Variants in AOAH observed in about 807,000 individuals in gnomAD.
AOAH encodes acyloxyacyl hydrolase (neutrophil).
In AOAH, 64 loss-of-function variants were observed where a neutral mutation model predicts 92.2. The ratio of observed to expected loss-of-function variants is 0.69; its 90% CI spans 0.57 to 0.86. The LOEUF is 0.86. Ranked by LOEUF, AOAH falls within the 40% of genes least tolerant of loss-of-function variation. The pLI, the probability that AOAH is intolerant of heterozygous loss-of-function variation, is 0.00. For missense variants in AOAH, 656 were observed against 694.6 expected, an observed-to-expected ratio of 0.94 and a Z score of 0.62; for synonymous variants, 263 against 254.5, an observed-to-expected ratio of 1.03 and a Z score of -0.32.
rs185432528 is a variant in AOAH, at chr7:36,517,092, T to A, written c.1600-3712A>T. Among the ~76,000 whole-genome samples, 901 of 152,334 alleles carry A rather than the reference T, an allele frequency of 5.9e-3. 7 individuals are homozygous for A. The highest frequency in any genetic ancestry group is 0.02 in the African/African-American group (843 of 41,558). The stretch of plus-strand genomic sequence containing the variant: ...TTTCTCATACCGCAATTTCCTGTTT[T>A]AACTTCCACGAGGCGCTGCACAGGG... On this transcript the variant is annotated intron_variant, in intron 20 of 20. Transcript: ENST00000617537.
rs1346889414 is a variant in AOAH at position 36,556,009 on chromosome 7, T to C, written c.1022-6534A>G. Reference sequence around the variant, plus strand: ...TCAGTTCTGCTCTGATTTTAGTTATTTCTTGCCTTCTGCTAGCTTTTGAAT... The same window carrying C: ...TCAGTTCTGCTCTGATTTTAGTTATCTCTTGCCTTCTGCTAGCTTTTGAAT... On this transcript the variant is annotated intron_variant, in intron 13 of 20. Transcript: ENST00000617537. Among the ~76,000 whole-genome samples, 4 of 152,304 alleles carry C rather than the reference T, an allele frequency of 2.6e-5. No homozygotes were observed. In the East Asian group the frequency reaches 7.7e-4, roughly 29 times the overall value.
chr7:36,576,511 C>A, intron 13 of AOAH, 63 bp downstream of exon 13: 4 of 943,498 alleles, frequency 4.2e-6, no homozygotes, highest in South Asian at 1.8e-5. Flanking sequence ...TTTTGAGGTA[C>A]TTATGAAATA....
At chr7:36,633,090 A>G (rs981246927) in intron 5 of AOAH, among the ~76,000 whole-genome samples, 6 of 152,202 alleles carry the variant, frequency 3.9e-5, no homozygotes, top group African/African-American at 9.6e-5. Context: ...ACGTGTCTCT[A>G]GGAACCTGGA....
intron 9 of AOAH, among the ~76,000 whole-genome samples, chr7:36,620,476 T>C (rs1174046566): frequency 6.6e-6 from 1 of 152,196 alleles, no homozygotes; most frequent in African/African-American, 2.4e-5. Flanking sequence ...TGGGTTGCTG[T>C]AAAACTTTGT....
chr7:36,518,734 A>G (rs1783956484), intron 20 of AOAH, among the ~76,000 whole-genome samples: 1 of 152,252 alleles, frequency 6.6e-6, no homozygotes, highest in Non-Finnish European at 1.5e-5. Flanking sequence ...GCATATAAAT[A>G]CATCCAATGT....
At chr7:36,537,816 C>G (rs1312872402) in intron 16 of AOAH, among the ~76,000 whole-genome samples, 1 of 151,166 alleles carries the variant, frequency 6.6e-6, no homozygotes, top group African/African-American at 2.4e-5. Flanking sequence ...AGCCACTGCA[C>G]CCAGCCTAGT....
chr7:36,537,782 C>A (rs1268695007), intron 16 of AOAH, among the ~76,000 whole-genome samples: 1 of 151,758 alleles, frequency 6.6e-6, no homozygotes, highest in Non-Finnish European at 1.5e-5. Flanking sequence ...CTTGGCCTCC[C>A]AAAGTGCTGA....
chr7:36,572,713 G>A (rs941575389), intron 13 of AOAH, among the ~76,000 whole-genome samples: 4 of 152,172 alleles, frequency 2.6e-5, no homozygotes, highest in Admixed American at 6.5e-5. Context: ...GGTATGTACC[G>A]TTCCCATCCC....
At chr7:36,580,581 CT>C (rs1390537235) in intron 12 of AOAH, among the ~76,000 whole-genome samples, 1 of 152,194 alleles carries the variant, frequency 6.6e-6, no homozygotes. Flanking sequence ...CTCTAAGTTG[CT>C]TTTTTTCCCC....
At position 36,577,514 on chromosome 7, in the gene AOAH, A is replaced by G. The variant is rs182428164; in HGVS notation, c.939-858T>C. Among the ~76,000 whole-genome samples, 565 of 152,286 alleles carry G rather than the reference A, an allele frequency of 3.7e-3. 3 individuals are homozygous for G. The highest frequency in any genetic ancestry group is 0.013 in the African/African-American group (538 of 41,564). Reference sequence around the variant, plus strand: ...TTCTGTGTGAGAGAAATAAACTCATATATGTTGAATCTCTGTTCCTTGAAT... The same window carrying G: ...TTCTGTGTGAGAGAAATAAACTCATGTATGTTGAATCTCTGTTCCTTGAAT... On this transcript the variant is annotated intron_variant, in intron 12 of 20. Coordinates refer to ENST00000617537, the MANE Select transcript of AOAH (RefSeq NM_001637.4).
At chr7:36,688,842 T>A (rs1467235311) in intron 1 of AOAH, among the ~76,000 whole-genome samples, 1 of 152,104 alleles carries the variant, frequency 6.6e-6, no homozygotes, top group African/African-American at 2.4e-5. Flanking sequence ...TACATATATA[T>A]ATGTGTATAT....
intron 11 of AOAH, among the ~76,000 whole-genome samples, chr7:36,600,698 G>C (rs1180558066): frequency 6.6e-6 from 1 of 152,078 alleles, no homozygotes; most frequent in Non-Finnish European, 1.5e-5. Context: ...ACTTGTATCT[G>C]GTCCTTGCTT....
intron 4 of AOAH, among the ~76,000 whole-genome samples, chr7:36,642,346 A>T (rs1004260699): frequency 1.3e-5 from 2 of 152,166 alleles, no homozygotes; most frequent in African/African-American, 4.8e-5. Flanking sequence ...AGGGAAGATG[A>T]TGTGAAGATA....
rs549317369 is a variant in AOAH at position 36,678,600 on chromosome 7, T to TGTGTGTGTGCGC, written c.224-4592_224-4591insGCGCACACACAC. Among the ~76,000 whole-genome samples, 1,133 of 130,814 alleles carry TGTGTGTGTGCGC rather than the reference T, an allele frequency of 8.7e-3. 20 individuals are homozygous for TGTGTGTGTGCGC. Among genetic ancestry groups the TGTGTGTGTGCGC allele is most frequent in the Middle Eastern group, 0.013 (3 of 234 alleles). The allele number at this position is 130,814 out of a possible 152,430, so 85.8% of individuals were successfully genotyped here. A position where few individuals can be genotyped will look rare whatever the true frequency, so the allele number is the denominator to read the frequency against. On this transcript the variant is annotated intron_variant, in intron 2 of 20. Coordinates refer to ENST00000617537, the MANE Select transcript of AOAH (RefSeq NM_001637.4). ...GTGTGTGTGTGTGTGTGTGTGTGTG[T>TGTGTGTGTGCGC]GCGCGCGCGCGCGCGTTAGAATTCT...
At chr7:36,514,603 C>T (rs1185989049) in intron 20 of AOAH, 3 of 1,529,148 alleles carry the variant, frequency 2.0e-6, no homozygotes, top group Admixed American at 3.9e-5. Context: ...GCAAACAATG[C>T]CCTCATTTAG....
intron 2 of AOAH, 27 bp downstream of exon 2, chr7:36,686,672 C>A (rs914335095): frequency 1.6e-5 from 22 of 1,409,776 alleles, no homozygotes; most frequent in Non-Finnish European, 2.1e-5. Flanking sequence ...AGCAGACCCT[C>A]AGCAGTATGA....
intron 1 of AOAH, among the ~76,000 whole-genome samples, chr7:36,696,001 T>C (rs1797686466): frequency 6.6e-6 from 1 of 152,216 alleles, no homozygotes; most frequent in Non-Finnish European, 1.5e-5. Flanking sequence ...TTTTTTTACA[T>C]ATAGAATCCC....
At chr7:36,526,242 T>G (rs1190337238) in intron 19 of AOAH, among the ~76,000 whole-genome samples, 1 of 151,926 alleles carries the variant, frequency 6.6e-6, no homozygotes, top group Non-Finnish European at 1.5e-5. Flanking sequence ...ACAACCTGTT[T>G]ATTTACAGAG....
chr7:36,531,657 C>T (rs1278553104), intron 18 of AOAH, among the ~76,000 whole-genome samples: 1 of 152,132 alleles, frequency 6.6e-6, no homozygotes, highest in Non-Finnish European at 1.5e-5. Flanking sequence ...CTCAATAAGT[C>T]TTTTACAAAG....
Sources: allele counts gnomAD v4.1 joint callset (sites outside exome capture counted in the v4.1 genomes callset), GRCh38; gene constraint gnomAD v4.1.1; transcripts MANE v1.5; gene names NCBI Gene and HGNC (gene_info 2026-07-23, HGNC 2026-07-21).